Variants in FOXP1 observed in about 807,000 individuals in gnomAD.
FOXP1 encodes the protein forkhead box protein P1.
A neutral mutation model predicts 98.2 loss-of-function variants in FOXP1; 15 were observed. That is an observed-to-expected ratio of 0.15 (90% CI 0.10 to 0.24). The LOEUF (loss-of-function observed/expected upper bound fraction) is 0.24. Among genes scored for constraint, FOXP1 ranks in the 10% least tolerant of loss-of-function variants. FOXP1 has a pLI of 1.00. For missense variants in FOXP1, 633 were observed against 848.5 expected, an observed-to-expected ratio of 0.75 and a Z score of 3.15; for synonymous variants, 371 against 314.5, an observed-to-expected ratio of 1.18 and a Z score of -1.90.
At chr3:70,966,684 T>C (rs765748347) in intron 19 of FOXP1, among the ~76,000 whole-genome samples, 9 of 152,200 alleles carry the variant, frequency 5.9e-5, no homozygotes, top group Non-Finnish European at 1.2e-4. Context: ...GTCCGACCAA[T>C]TGCCTAGGAT....
chr3:71,110,871 T>C (rs749510142), intron 7 of FOXP1, among the ~76,000 whole-genome samples: 9 of 152,226 alleles, frequency 5.9e-5, no homozygotes, highest in Non-Finnish European at 1.2e-4. Context: ...TCAATGGCAC[T>C]GTACCTCATT....
chr3:71,571,502 T>G (rs2047338726), intron 2 of FOXP1: 1 of 152,214 alleles, frequency 6.6e-6, no homozygotes, highest in East Asian at 1.9e-4. Flanking sequence ...TCTGATATTC[T>G]TAATAAAATG....
intron 5 of FOXP1, among the ~76,000 whole-genome samples, chr3:71,281,043 A>C (rs1447205111): frequency 1.4e-5 from 2 of 147,934 alleles, no homozygotes; most frequent in African/African-American, 2.5e-5. Context: ...TCTCTACAAA[A>C]AAAAAAAAAA....
chr3:71,519,522 C>A (rs530761534), intron 2 of FOXP1, among the ~76,000 whole-genome samples: 1 of 152,282 alleles, frequency 6.6e-6, no homozygotes, highest in South Asian at 2.1e-4. Flanking sequence ...AAGGCACAGA[C>A]CATTTTCTAA....
chr3:71,157,237 A>G (rs563725580), intron 6 of FOXP1, among the ~76,000 whole-genome samples: 1 of 152,222 alleles, frequency 6.6e-6, no homozygotes, highest in Non-Finnish European at 1.5e-5. Context: ...GAACGAAAAG[A>G]GACTGCTGAG....
intron 5 of FOXP1, among the ~76,000 whole-genome samples, chr3:71,242,334 C>A (rs2067353627): frequency 1.3e-5 from 2 of 152,290 alleles, no homozygotes; most frequent in African/African-American, 4.8e-5. Flanking sequence ...CGCTCCTAAG[C>A]TGATGCCCTG....
intron 3 of FOXP1, among the ~76,000 whole-genome samples, chr3:71,362,576 C>A (rs1308058381): frequency 6.6e-6 from 1 of 152,132 alleles, no homozygotes; most frequent in Non-Finnish European, 1.5e-5. Flanking sequence ...CTCAAGCCAT[C>A]CTCCCACCTC....
chr3:71,267,530 AC>A (rs1369037509), intron 5 of FOXP1, among the ~76,000 whole-genome samples: 1 of 152,236 alleles, frequency 6.6e-6, no homozygotes, highest in African/African-American at 2.4e-5. Context: ...GATGTTGAGG[AC>A]CAAAAACAAA....
At chr3:71,415,669 T>G (rs2083156527) in intron 3 of FOXP1, among the ~76,000 whole-genome samples, 1 of 151,272 alleles carries the variant, frequency 6.6e-6, no homozygotes, top group Non-Finnish European at 1.5e-5. Flanking sequence ...GAAGTGTAAG[T>G]GTAAGCAGAA....
At chr3:70,988,576 G>A (rs930277958) in intron 13 of FOXP1, among the ~76,000 whole-genome samples, 2 of 152,226 alleles carry the variant, frequency 1.3e-5, no homozygotes, top group Non-Finnish European at 2.9e-5. Context: ...GGCTCCAAGG[G>A]ATGACAGGTT....
chr3:71,574,579 G>A (rs1045927023), intron 2 of FOXP1: 7 of 152,038 alleles, frequency 4.6e-5, no homozygotes, highest in Admixed American at 4.6e-4. Flanking sequence ...CATCACATAC[G>A]ATAGAGAATT....
intron 12 of FOXP1, among the ~76,000 whole-genome samples, chr3:71,003,946 C>T (rs1359916743): frequency 6.6e-6 from 1 of 151,850 alleles, no homozygotes; most frequent in Non-Finnish European, 1.5e-5. Flanking sequence ...CCGTGCTCAA[C>T]TTGGGAGTTC....
chr3:71,286,102 G>A (rs554189774), intron 5 of FOXP1, among the ~76,000 whole-genome samples: 1 of 152,250 alleles, frequency 6.6e-6, no homozygotes, highest in African/African-American at 2.4e-5. Flanking sequence ...CCTAATGTCA[G>A]TCACTTCTCC....
At chr3:71,018,760 C>T (rs931812859) in intron 11 of FOXP1, among the ~76,000 whole-genome samples, 1 of 152,144 alleles carries the variant, frequency 6.6e-6, no homozygotes, top group Non-Finnish European at 1.5e-5. Context: ...GGGAGGGGTA[C>T]AGGGAGTCAG....
chr3:71,191,089 C>A (rs2062952531), intron 6 of FOXP1, among the ~76,000 whole-genome samples: 2 of 152,188 alleles, frequency 1.3e-5, no homozygotes, highest in South Asian at 2.1e-4. Flanking sequence ...CCTAAAAGTA[C>A]ACTAGACTCC....
At position 71,345,451 on chromosome 3, in the gene FOXP1, T is replaced by TAC. The variant is rs1332784270; in HGVS notation, c.-73+13697_-73+13698dup. 3.1e-4 allele frequency among the ~76,000 whole-genome samples: 46 copies of TAC among 150,686 alleles called. 1 individual carries two copies. The Middle Eastern group carries it at 0.01, about 33-fold the overall frequency. The stretch of plus-strand genomic sequence containing the variant: ...ACACACACACACACACACATATATA[T>TAC]ACCAAAAAGATCAAAACCTGGTTTC... On this transcript the variant is annotated intron_variant, in intron 4 of 20. Coordinates refer to ENST00000649528, the MANE Select transcript of FOXP1 (RefSeq NM_001349338.3).
chr3:71,542,201 A>C (rs911457435), intron 2 of FOXP1: 7 of 377,816 alleles, frequency 1.9e-5, no homozygotes, highest in Non-Finnish European at 3.7e-5. Context: ...TATGGCACAT[A>C]AATTTTACAA....
intron 5 of FOXP1, among the ~76,000 whole-genome samples, chr3:71,208,208 A>G (rs1382083383): frequency 2.0e-5 from 3 of 152,208 alleles, no homozygotes; most frequent in African/African-American, 4.8e-5. Context: ...GTACCTTTCA[A>G]TGGTGACTGC....
At chr3:71,420,522 T>C (rs767759113) in intron 3 of FOXP1, among the ~76,000 whole-genome samples, 1 of 152,166 alleles carries the variant, frequency 6.6e-6, no homozygotes, top group Non-Finnish European at 1.5e-5. Context: ...AAAAATTCTA[T>C]GCATACACAT....
Sources: allele counts gnomAD v4.1 joint callset (sites outside exome capture counted in the v4.1 genomes callset), GRCh38; gene constraint gnomAD v4.1.1; transcripts MANE v1.5; gene names NCBI Gene and HGNC (gene_info 2026-07-23, HGNC 2026-07-21).